Variants in P2RY6 observed in about 807,000 individuals in gnomAD.
P2RY6 encodes P2Y purinoceptor 6.
Under a neutral mutation model 16.3 loss-of-function variants are expected in P2RY6, and 19 were observed. The observed-to-expected ratio is 1.16, with a 90% confidence interval of 0.81 to 1.71. The LOEUF (loss-of-function observed/expected upper bound fraction) is 1.71, where lower values mean the gene tolerates loss of function less well. Ranked by LOEUF, P2RY6 falls within the 40% of genes most tolerant of loss-of-function variation. The probability of loss-of-function intolerance (pLI) is 0.00; values close to 1 mark genes in which losing one functional copy is unlikely to be tolerated. For synonymous variants in P2RY6, 184 were observed against 201.5 expected, an observed-to-expected ratio of 0.91 and a Z score of 0.74; for missense variants, 389 against 455.5, an observed-to-expected ratio of 0.85 and a Z score of 1.33.
intron 1 of P2RY6, among the ~76,000 whole-genome samples, chr11:73,273,958 T>C (rs1225832879): frequency 6.6e-6 from 1 of 152,214 alleles, no homozygotes; most frequent in Non-Finnish European, 1.5e-5. Context: ...TGCCTCAACC[T>C]AAAAGTAGCT....
At chr11:73,267,138 CA>C (rs1863131806) in intron 1 of P2RY6, among the ~76,000 whole-genome samples, 1 of 152,186 alleles carries the variant, frequency 6.6e-6, no homozygotes, top group African/African-American at 2.4e-5. Flanking sequence ...TAACATTCCC[CA>C]ATTCTGGCTC....
intron 1 of P2RY6, chr11:73,292,804 C>G: frequency 1.0e-6 from 1 of 985,444 alleles, no homozygotes; most frequent in Non-Finnish European, 1.2e-6. Context: ...GCTGCTCACT[C>G]TGTCAGAGAA....
At chr11:73,267,858 T>C (rs1006523438), upstream of P2RY6, among the ~76,000 whole-genome samples, 3 of 152,238 alleles carry the variant, frequency 2.0e-5, no homozygotes, top group African/African-American at 7.2e-5. Flanking sequence ...ATCTGTGTTC[T>C]TGGGGAAACC....
chr11:73,294,941 C>G (rs1240986436), intron 1 of P2RY6, among the ~76,000 whole-genome samples: 1 of 152,098 alleles, frequency 6.6e-6, no homozygotes, highest in East Asian at 1.9e-4. Flanking sequence ...GGGACTTGAA[C>G]CTGAGCATCT....
At chr11:73,287,912 C>T (rs1201561817) in intron 1 of P2RY6, among the ~76,000 whole-genome samples, 2 of 152,226 alleles carry the variant, frequency 1.3e-5, no homozygotes, top group African/African-American at 4.8e-5. Flanking sequence ...TCCCTCTGCT[C>T]ACCGGGGGCT....
chr11:73,297,844 C>A lies in P2RY6; in HGVS notation c.*339C>A. On this transcript the variant is annotated 3_prime_UTR_variant, in exon 3 of 3. Coordinates refer to ENST00000540124, the MANE Select transcript of P2RY6 (RefSeq NM_001277204.2). ...TCCATGCTTTGAGTCACCAATGAAGCGGGTGAGGGAAGATGAGAGGGGGAG... is the reference window on the plus strand; with the variant it reads ...TCCATGCTTTGAGTCACCAATGAAGAGGGTGAGGGAAGATGAGAGGGGGAG... 3.6e-6 allele frequency: 1 copy of A among 278,802 alleles called. No homozygotes were observed. The highest frequency in any genetic ancestry group is 1.0e-4 in the South Asian group (1 of 9,562). 17.3% of individuals were successfully genotyped at this position (278,802 alleles called of 1,614,324 possible). A position where few individuals can be genotyped will look rare whatever the true frequency, so the allele number is the denominator to read the frequency against.
At chr11:73,276,036 C>T (rs1863521483) in intron 1 of P2RY6, among the ~76,000 whole-genome samples, 1 of 152,236 alleles carries the variant, frequency 6.6e-6, no homozygotes, top group East Asian at 1.9e-4. Context: ...GTCCCCGAAA[C>T]TCATGACTCT....
intron 1 of P2RY6, among the ~76,000 whole-genome samples, chr11:73,288,187 A>G (rs567058712): frequency 4.5e-4 from 69 of 152,230 alleles, no homozygotes; most frequent in Non-Finnish European, 7.9e-4. Context: ...TTAGTGCTCA[A>G]TGAATACATG....
chr11:73,297,315 G>A lies in P2RY6; in HGVS notation c.797G>A (p.Arg266His), dbSNP rs115479773. 1.1e-5 allele frequency: 17 copies of A among 1,609,876 alleles called. No individual in the cohort carries two copies. The highest frequency in any genetic ancestry group is 8.0e-5 in the African/African-American group (6 of 75,042). Reference sequence around the variant, plus strand: ...ACCAAGACAGCCTACCTGGCAGTGCGCTCGACGCCGGGCGTCCCCTGCACT... The same window carrying A: ...ACCAAGACAGCCTACCTGGCAGTGCACTCGACGCCGGGCGTCCCCTGCACT... Reference protein sequence around the residue: ...HITKTAYLAVRSTPGVPCTVL... With the variant: ...HITKTAYLAVHSTPGVPCTVL... The change falls in exon 3 of 3, where the codon CGC becomes CAC. Residue 266 changes from arginine (R) to histidine (H), a missense_variant. Arg to His is a conservative substitution (Grantham distance 29, BLOSUM62 0). Coordinates refer to ENST00000540124, the MANE Select transcript of P2RY6 (RefSeq NM_001277204.2).
chr11:73,293,098 A>G (rs1416798786), intron 1 of P2RY6, among the ~76,000 whole-genome samples: 2 of 152,048 alleles, frequency 1.3e-5, no homozygotes, highest in Admixed American at 6.5e-5. Flanking sequence ...CTGGGGGGAT[A>G]AAAAAAGGAA....
intron 1 of P2RY6, among the ~76,000 whole-genome samples, chr11:73,288,623 C>G (rs991660586): frequency 6.6e-6 from 1 of 152,244 alleles, no homozygotes; most frequent in Non-Finnish European, 1.5e-5. Flanking sequence ...TGGCCTCAAG[C>G]TGGCCTCAGG....
At chr11:73,272,544 A>C (rs1451379347) in intron 1 of P2RY6, 78 bp downstream of exon 1, 1 of 980,824 alleles carries the variant, frequency 1.0e-6, no homozygotes, top group Non-Finnish European at 1.2e-6. Flanking sequence ...ACTGCAGTCC[A>C]CTTGCAGCCA....
upstream of P2RY6, chr11:73,271,634 T>C (rs2135688414): frequency 6.6e-6 from 1 of 152,402 alleles, no homozygotes; most frequent in South Asian, 2.1e-4. Flanking sequence ...GAATTTTAAC[T>C]ACCAGGCTTA....
chr11:73,265,145 G>A (rs1488414309), intron 1 of P2RY6: 1 of 153,028 alleles, frequency 6.5e-6, no homozygotes, highest in Non-Finnish European at 1.5e-5. Flanking sequence ...TGCTGAGCTG[G>A]GTGATGGAAG....
rs529237851 is a variant in P2RY6 at position 73,295,834 on chromosome 11, T to C, written c.-35+19T>C. 31 of 963,738 alleles carry C rather than the reference T, an allele frequency of 3.2e-5. No individual in the cohort carries two copies. The South Asian group carries it at 1.0e-3, about 31-fold the overall frequency. The allele number at this position is 963,738 out of a possible 1,614,324, so 59.7% of individuals were successfully genotyped here. A position where few individuals can be genotyped will look rare whatever the true frequency, so the allele number is the denominator to read the frequency against. The stretch of plus-strand genomic sequence containing the variant: ...GCCCCTGGTGTGTGGACCCTTCGCA[T>C]TGGTTAACTAAGAGTTATCAGGGCC... On this transcript the variant is annotated intron_variant, in intron 2 of 2. Coordinates refer to ENST00000540124, the MANE Select transcript of P2RY6 (RefSeq NM_001277204.2).
chr11:73,273,667 C>G (rs1476094887), intron 1 of P2RY6, among the ~76,000 whole-genome samples: 2 of 152,168 alleles, frequency 1.3e-5, no homozygotes, highest in Admixed American at 1.3e-4. Flanking sequence ...CTGCCCTTGC[C>G]TTATCCTGTG....
chr11:73,280,711 A>G (rs1863724246), intron 1 of P2RY6, among the ~76,000 whole-genome samples: 1 of 152,134 alleles, frequency 6.6e-6, no homozygotes, highest in African/African-American at 2.4e-5. Flanking sequence ...ATGTGGGGAG[A>G]GGGAAGTCCA....
In P2RY6 at chr11:73,297,580, A is replaced by C; in HGVS notation, c.*75A>C. ...CCAGGAGCCCCACCAACCCCAAACC[A>C]TGCGGAGAATTAGAGTTCAGCTCAG... On this transcript the variant is annotated 3_prime_UTR_variant, in exon 3 of 3. Coordinates refer to ENST00000540124, the MANE Select transcript of P2RY6 (RefSeq NM_001277204.2). 3 of 1,150,404 alleles carry C rather than the reference A, an allele frequency of 2.6e-6. No individual in the cohort carries two copies. The highest frequency in any genetic ancestry group is 3.8e-6 in the Non-Finnish European group (3 of 795,906). The allele number at this position is 1,150,404 out of a possible 1,614,324, so 71.3% of individuals were successfully genotyped here. A position where few individuals can be genotyped will look rare whatever the true frequency, so the allele number is the denominator to read the frequency against.
At chr11:73,284,871 T>A (rs1334699141) in intron 1 of P2RY6, among the ~76,000 whole-genome samples, 5 of 151,958 alleles carry the variant, frequency 3.3e-5, no homozygotes, top group African/African-American at 1.2e-4. Flanking sequence ...TGTTCAGTCA[T>A]GAGAGAGAGA....
Sources: gnomAD v4.1 joint callset for allele counts (sites outside exome capture counted in the v4.1 genomes callset) on GRCh38, gnomAD v4.1.1 for gene constraint, MANE v1.5 for transcripts, NCBI Gene and HGNC (gene_info 2026-07-23, HGNC 2026-07-21) for gene names.